Variants in ADAMTSL1 observed in about 807,000 individuals in gnomAD.
ADAMTSL1 encodes the protein ADAMTS like 1.
A neutral mutation model predicts 201.8 loss-of-function variants in ADAMTSL1; 126 were observed. The ratio of observed to expected loss-of-function variants is 0.62; its 90% CI spans 0.54 to 0.72. The LOEUF is 0.72. Among genes scored for constraint, ADAMTSL1 ranks in the 30% least tolerant of loss-of-function variants. The pLI, the probability that ADAMTSL1 is intolerant of heterozygous loss-of-function variation, is 0.00. For synonymous variants in ADAMTSL1, 1,121 were observed against 903.4 expected, an observed-to-expected ratio of 1.24 and a Z score of -4.32; for missense variants, 2,679 against 2,277.8, an observed-to-expected ratio of 1.18 and a Z score of -3.59.
At chr9:18,116,714 T>A (rs904909939) in intron 1 of ADAMTSL1, among the ~76,000 whole-genome samples, 5 of 152,204 alleles carry the variant, frequency 3.3e-5, no homozygotes, top group East Asian at 1.9e-4. Context: ...AATACTTTTT[T>A]AAAATTTTAT....
At chr9:18,227,460 G>A (rs374329193) in intron 2 of ADAMTSL1, among the ~76,000 whole-genome samples, 3 of 152,012 alleles carry the variant, frequency 2.0e-5, no homozygotes, top group Non-Finnish European at 2.9e-5. Context: ...ATAAACTCAC[G>A]GCAAGGTAGT....
chr9:18,292,412 GC>G (rs1176742119), intron 2 of ADAMTSL1, among the ~76,000 whole-genome samples: 2 of 152,116 alleles, frequency 1.3e-5, no homozygotes, highest in African/African-American at 4.8e-5. Context: ...CAGTGTTAGG[GC>G]CTGTGATGAT....
intron 20 of ADAMTSL1, among the ~76,000 whole-genome samples, chr9:18,799,044 G>A (rs1822610766): frequency 6.6e-6 from 1 of 152,094 alleles, no homozygotes; most frequent in African/African-American, 2.4e-5. Flanking sequence ...CATGGAGATG[G>A]CCAGTGTTTC....
At chr9:18,426,111 C>A (rs1294320156) in intron 2 of ADAMTSL1, among the ~76,000 whole-genome samples, 1 of 152,056 alleles carries the variant, frequency 6.6e-6, no homozygotes, top group African/African-American at 2.4e-5. Context: ...AGTTCACTAA[C>A]CCCTAAAGTT....
At chr9:18,692,951 A>G (rs1363303456) in intron 13 of ADAMTSL1, among the ~76,000 whole-genome samples, 1 of 152,224 alleles carries the variant, frequency 6.6e-6, no homozygotes, top group Non-Finnish European at 1.5e-5. Flanking sequence ...ATGGTCTGAA[A>G]CAAGTGTCAT....
At chr9:18,829,795 A>C in intron 22 of ADAMTSL1, 48 bp from the exon 23 acceptor site, 1 of 1,611,028 alleles carries the variant, frequency 6.2e-7, no homozygotes, top group Non-Finnish European at 8.5e-7. Flanking sequence ...TTGCCTTGAC[A>C]CAGCCCTGTG....
chr9:18,646,562 C>T (rs1587787204), intron 7 of ADAMTSL1, among the ~76,000 whole-genome samples: 1 of 144,906 alleles, frequency 6.9e-6, no homozygotes, highest in Non-Finnish European at 1.5e-5. Context: ...GAGATACGTC[C>T]CATCAATACC....
At chr9:18,343,992 C>A (rs1395482222) in intron 2 of ADAMTSL1, among the ~76,000 whole-genome samples, 1 of 152,104 alleles carries the variant, frequency 6.6e-6, no homozygotes, top group Admixed American at 6.6e-5. Flanking sequence ...CATGTGATTT[C>A]TTCATCTTTA....
chr9:18,188,628 G>A lies in ADAMTSL1; in HGVS notation c.207+24647G>A, dbSNP rs556148795. ...TTAGAGCTGCGCCATTAGGTGGTGAGTTCTTTATTGACAAAGCTACTTGAA... is the reference window on the plus strand; with the variant it reads ...TTAGAGCTGCGCCATTAGGTGGTGAATTCTTTATTGACAAAGCTACTTGAA... On this transcript the variant is annotated intron_variant, in intron 2 of 29. Coordinates refer to the ADAMTSL1 transcript ENST00000680146. 3.0e-4 allele frequency among the ~76,000 whole-genome samples: 45 copies of A among 152,296 alleles called. 1 individual carries two copies. In the Middle Eastern group the frequency reaches 0.01, roughly 35 times the overall value.
intron 21 of ADAMTSL1, among the ~76,000 whole-genome samples, chr9:18,822,003 A>G (rs546267664): frequency 3.3e-5 from 5 of 152,292 alleles, no homozygotes; most frequent in Admixed American, 3.3e-4. Context: ...AAGCTCTTTT[A>G]CTGATCCTTT....
At chr9:18,603,370 GCTATGCTA>G (rs1824790791) in intron 4 of ADAMTSL1, among the ~76,000 whole-genome samples, 1 of 151,206 alleles carries the variant, frequency 6.6e-6, no homozygotes, top group Non-Finnish European at 1.5e-5. Flanking sequence ...GCTATGCTAT[GCTATGCTA>G]TGCTATGCTA....
intron 4 of ADAMTSL1, among the ~76,000 whole-genome samples, chr9:18,586,146 A>G (rs1036852160): frequency 3.9e-5 from 6 of 152,202 alleles, no homozygotes; most frequent in Non-Finnish European, 7.3e-5. Context: ...AGGAAGTCAC[A>G]CTATCTCTGT....
At chr9:18,435,519 G>A (rs1819689173) in intron 2 of ADAMTSL1, among the ~76,000 whole-genome samples, 1 of 152,214 alleles carries the variant, frequency 6.6e-6, no homozygotes, top group Non-Finnish European at 1.5e-5. Context: ...GGGGTTGGAA[G>A]TAGGGGCTCT....
intron 2 of ADAMTSL1, among the ~76,000 whole-genome samples, chr9:18,185,927 A>C (rs1828712851): frequency 6.6e-6 from 1 of 152,212 alleles, no homozygotes; most frequent in Non-Finnish European, 1.5e-5. Context: ...ATAGTTTGAG[A>C]ATTTAAAATT....
At chr9:18,712,475 G>A (rs953941697) in intron 14 of ADAMTSL1, among the ~76,000 whole-genome samples, 21 of 151,942 alleles carry the variant, frequency 1.4e-4, no homozygotes, top group African/African-American at 1.9e-4. Flanking sequence ...GAGCCGATGC[G>A]ATCAACTGGA....
intron 4 of ADAMTSL1, among the ~76,000 whole-genome samples, chr9:18,581,206 C>A (rs7044968): frequency 6.6e-6 from 1 of 152,078 alleles, no homozygotes; most frequent in Non-Finnish European, 1.5e-5. Flanking sequence ...ATCTCTGCCT[C>A]TGTTATCAAA....
intron 1 of ADAMTSL1, among the ~76,000 whole-genome samples, chr9:17,956,801 T>C (rs888116090): frequency 2.6e-5 from 4 of 152,200 alleles, no homozygotes; most frequent in African/African-American, 9.6e-5. Flanking sequence ...AGTTTGTTAA[T>C]AGCAATTGTC....
At chr9:18,803,611 A>C (rs1245055084) in intron 20 of ADAMTSL1, among the ~76,000 whole-genome samples, 1 of 152,216 alleles carries the variant, frequency 6.6e-6, no homozygotes, top group African/African-American at 2.4e-5. Context: ...CCAAAAATAA[A>C]AATTTAATGT....
chr9:18,253,821 C>T (rs1276860122), intron 2 of ADAMTSL1, among the ~76,000 whole-genome samples: 1 of 152,190 alleles, frequency 6.6e-6, no homozygotes, highest in Non-Finnish European at 1.5e-5. Context: ...AGAATCTTAG[C>T]TTCACACACA....
Sources: gnomAD v4.1 joint callset for allele counts (sites outside exome capture counted in the v4.1 genomes callset) on GRCh38, gnomAD v4.1.1 for gene constraint, MANE v1.5 for transcripts, NCBI Gene and HGNC (gene_info 2026-07-23, HGNC 2026-07-21) for gene names.